The following NCAPD2 variants were observed in gnomAD, a reference collection of about 807,000 sequenced individuals.
The protein encoded by NCAPD2 is condensin complex subunit 1.
NCAPD2 carries 100 observed loss-of-function variants against 164.5 expected under a neutral mutation model. The observed-to-expected ratio is 0.61, with a 90% CI of 0.52 to 0.72. NCAPD2 has a LOEUF of 0.72. Ranked by LOEUF, NCAPD2 falls within the 30% of genes least tolerant of loss-of-function variation. The pLI, the probability that NCAPD2 is intolerant of heterozygous loss-of-function variation, is 0.00. For synonymous variants in NCAPD2, 585 were observed against 642.6 expected, an observed-to-expected ratio of 0.91 and a Z score of 1.36; for missense variants, 1,560 against 1,749.2, an observed-to-expected ratio of 0.89 and a Z score of 1.93.
At position 6,509,812 on chromosome 12, in the gene NCAPD2, G is replaced by C; in HGVS notation, c.203+20G>C. 6.2e-7 allele frequency: 1 copy of C among 1,610,232 alleles called. No homozygotes were observed. The highest frequency in any genetic ancestry group is 8.5e-7 in the Non-Finnish European group (1 of 1,177,620). ...TTTGCAGTAAGTGAAACACCCAACT[G>C]GTACTTTAAAAAGAACTGGTGACTG... On this transcript the variant is annotated intron_variant, in intron 3 of 31. Transcript: ENST00000315579.
chr12:6,511,621 G>T (rs570936299), intron 6 of NCAPD2, among the ~76,000 whole-genome samples: 2 of 151,788 alleles, frequency 1.3e-5, no homozygotes, highest in Admixed American at 6.6e-5. Context: ...GAGCCACCAC[G>T]CCCAGCCAGA....
At chr12:6,506,241 A>G (rs1401280941) in intron 2 of NCAPD2, among the ~76,000 whole-genome samples, 1 of 152,106 alleles carries the variant, frequency 6.6e-6, no homozygotes, top group East Asian at 1.9e-4. Context: ...TACAAGTGTG[A>G]ACTATCACAT....
At chr12:6,527,380 G>T (rs1259039880) in intron 22 of NCAPD2, among the ~76,000 whole-genome samples, 2 of 152,194 alleles carry the variant, frequency 1.3e-5, no homozygotes, top group African/African-American at 4.8e-5. Context: ...TCCATTGCTG[G>T]CCTGGCCCCG....
At chr12:6,516,673 A>G (rs1403865231) in intron 9 of NCAPD2, among the ~76,000 whole-genome samples, 155 bp from the exon 10 acceptor site, 2 of 152,138 alleles carry the variant, frequency 1.3e-5, no homozygotes, top group Non-Finnish European at 2.9e-5. Context: ...CCCTTGTTCT[A>G]GCATTCTCTG....
At chr12:6,498,902 C>T (rs1453704872) in intron 2 of NCAPD2, among the ~76,000 whole-genome samples, 1 of 152,098 alleles carries the variant, frequency 6.6e-6, no homozygotes, top group Non-Finnish European at 1.5e-5. Context: ...CTGCGCCTGG[C>T]CTGTTTAACA....
rs1592178679 is a variant in NCAPD2, at chr12:6,529,053, G to A, written c.3572+14G>A. ...CACCATCATGAAGTATTGCTCCCCGGGCCCTGGGGCACATTTTCCACATAG... is the reference window on the plus strand; with the variant it reads ...CACCATCATGAAGTATTGCTCCCCGAGCCCTGGGGCACATTTTCCACATAG... On this transcript the variant is annotated intron_variant, in intron 27 of 31. Coordinates refer to ENST00000315579, the MANE Select transcript of NCAPD2 (RefSeq NM_014865.4). The A allele has an allele frequency of 1.2e-6, 2 of 1,607,360 alleles. No homozygotes were observed. Among genetic ancestry groups the A allele is most frequent in the Non-Finnish European group, 1.7e-6 (2 of 1,175,612 alleles).
intron 2 of NCAPD2, among the ~76,000 whole-genome samples, chr12:6,509,462 G>A (rs1168820907): frequency 3.3e-5 from 5 of 151,846 alleles, no homozygotes; most frequent in East Asian, 1.9e-4. Flanking sequence ...GGGGTCTCAC[G>A]ATGTTGGCCA....
intron 29 of NCAPD2, 123 bp downstream of exon 29, chr12:6,530,081 C>A: frequency 9.2e-7 from 1 of 1,084,180 alleles, no homozygotes; most frequent in Non-Finnish European, 1.3e-6. Context: ...AGCTGGGTTG[C>A]AACCAAATTG....
intron 13 of NCAPD2, among the ~76,000 whole-genome samples, chr12:6,518,504 G>GTTTTTTTTTTTTTTTGTTT (rs1946227130): frequency 5.1e-4 from 23 of 44,778 alleles, no homozygotes; most frequent in African/African-American, 2.2e-3. Flanking sequence ...CCGTCAACAA[G>GTTTTTTTTTTTTTTTGTTT]TTTTTTTTTT....
At chr12:6,504,682 G>A (rs530233159) in intron 2 of NCAPD2, among the ~76,000 whole-genome samples, 7 of 152,096 alleles carry the variant, frequency 4.6e-5, no homozygotes, top group South Asian at 2.1e-4. Context: ...GTGAGCCACC[G>A]CGTCGAGCCT....
chr12:6,502,573 G>C (rs1946048114), intron 2 of NCAPD2, among the ~76,000 whole-genome samples: 1 of 152,090 alleles, frequency 6.6e-6, no homozygotes, highest in Admixed American at 6.6e-5. Context: ...GATTTGCCAG[G>C]GGAGTATGTG....
At chr12:6,523,458 C>G in intron 17 of NCAPD2, 112 bp downstream of exon 17, 1 of 866,786 alleles carries the variant, frequency 1.2e-6, no homozygotes, top group South Asian at 1.6e-5. Flanking sequence ...AGTGCAATGG[C>G]ACAATCTTGG....
chr12:6,517,073 C>CTCTCCAT, intron 10 of NCAPD2, 48 bp downstream of exon 10: 1 of 1,567,958 alleles, frequency 6.4e-7, no homozygotes, highest in Non-Finnish European at 8.8e-7. Context: ...CTCCATATAC[C>CTCTCCAT]AGTGTAAAGA....
chr12:6,509,672 G>C (rs763908510), intron 2 of NCAPD2, 45 bp from the exon 3 acceptor site: 1 of 1,558,494 alleles, frequency 6.4e-7, no homozygotes, highest in Non-Finnish European at 8.8e-7. Context: ...TTACTGAAAA[G>C]GTTTCTCTTC....
intron 17 of NCAPD2, among the ~76,000 whole-genome samples, chr12:6,523,987 G>C (rs1160411841): frequency 1.3e-5 from 2 of 152,204 alleles, no homozygotes; most frequent in Non-Finnish European, 2.9e-5. Context: ...CCTCACGACA[G>C]CCCTGTGAGG....
Position 6,509,090 on chromosome 12 carries a change from A to T in NCAPD2, c.128-627A>T, listed in dbSNP as rs536519992. On this transcript the variant is annotated intron_variant, in intron 2 of 31. Transcript: ENST00000315579. ...TAGGATAAACTTTTTTTTTTTTTTT[A>T]AAAGATCCTGAGTTTGTGTTCCCTC... Among the ~76,000 whole-genome samples the T allele has an allele frequency of 1.5e-3, 209 of 139,128 alleles. 1 individual carries two copies. The highest frequency in any genetic ancestry group is 3.6e-3 in the Middle Eastern group (1 of 274). The allele number at this position is 139,128 out of a possible 152,430, so 91.3% of individuals were successfully genotyped here. A position where few individuals can be genotyped will look rare whatever the true frequency, so the allele number is the denominator to read the frequency against.
chr12:6,526,277 C>T lies in NCAPD2; in HGVS notation c.2482-10C>T. On this transcript the variant is annotated splice_polypyrimidine_tract_variant and intron_variant, in intron 19 of 31. Coordinates refer to ENST00000315579, the MANE Select transcript of NCAPD2 (RefSeq NM_014865.4). ...CTGTACACACACCCACGTTGTCTTG[C>T]TCTCCACAGCCTTCTCTGGGCAAAC... 1 of 1,614,170 alleles carries T rather than the reference C, an allele frequency of 6.2e-7. No individual in the cohort carries two copies. Among genetic ancestry groups the T allele is most frequent in the Non-Finnish European group, 8.5e-7 (1 of 1,180,040 alleles).
intron 2 of NCAPD2, among the ~76,000 whole-genome samples, chr12:6,495,959 A>G (rs932250097): frequency 6.6e-6 from 1 of 152,152 alleles, no homozygotes; most frequent in Non-Finnish European, 1.5e-5. Context: ...ACCTACAAGA[A>G]GAAGGGTTGG....
At chr12:6,495,865 A>G (rs1437027859) in intron 2 of NCAPD2, among the ~76,000 whole-genome samples, 1 of 152,082 alleles carries the variant, frequency 6.6e-6, no homozygotes, top group African/African-American at 2.4e-5. Flanking sequence ...TACCACTCTG[A>G]CCTTAGACAA....
Sources: gnomAD v4.1 joint callset for allele counts (sites outside exome capture counted in the v4.1 genomes callset) on GRCh38, gnomAD v4.1.1 for gene constraint, MANE v1.5 for transcripts, NCBI Gene and HGNC (gene_info 2026-07-23, HGNC 2026-07-21) for gene names.